The following ATP8A1 variants were observed in gnomAD, a reference collection of about 807,000 sequenced individuals.
ATP8A1 encodes ATPase phospholipid transporting 8A1.
ATP8A1 carries 90 observed loss-of-function variants against 177.7 expected under a neutral mutation model. The ratio of observed to expected loss-of-function variants is 0.51; its 90% CI spans 0.43 to 0.60. The LOEUF (loss-of-function observed/expected upper bound fraction) is 0.60. ATP8A1 is among the 20% of genes least tolerant of loss of function. ATP8A1 has a pLI of 0.00. For synonymous variants in ATP8A1, 493 were observed against 485.9 expected, an observed-to-expected ratio of 1.01 and a Z score of -0.19; for missense variants, 1,072 against 1,392.8, an observed-to-expected ratio of 0.77 and a Z score of 3.67.
intron 24 of ATP8A1, among the ~76,000 whole-genome samples, chr4:42,502,335 C>T (rs1723937887): frequency 6.6e-6 from 1 of 152,126 alleles, no homozygotes; most frequent in Admixed American, 6.5e-5. Context: ...ATGCCAGTGT[C>T]TTAACAATAC....
rs1036560142 is a variant in ATP8A1, at chr4:42,426,132, T to C, written c.3124-2427A>G. Among the ~76,000 whole-genome samples, 3 of 152,232 alleles carry C rather than the reference T, an allele frequency of 2.0e-5. No homozygotes were observed. The East Asian group carries it at 5.8e-4, about 29-fold the overall frequency. On this transcript the variant is annotated intron_variant, in intron 33 of 36. Coordinates refer to ENST00000381668, the MANE Select transcript of ATP8A1 (RefSeq NM_006095.2). ...AAACCTTTGAGAAAATACGAGTTTA[T>C]GTGCATTTGGCCAAGTCAGGGGGCA...
chr4:42,540,194 C>T (rs916442642), intron 20 of ATP8A1, among the ~76,000 whole-genome samples: 1 of 152,086 alleles, frequency 6.6e-6, no homozygotes, highest in African/African-American at 2.4e-5. Context: ...TGCTCAACAT[C>T]ACTAGCAATC....
chr4:42,594,408 G>C, intron 6 of ATP8A1: 1 of 1,077,128 alleles, frequency 9.3e-7, no homozygotes, highest in South Asian at 1.3e-5. Context: ...TTGAAAGATA[G>C]TTACAAATAT....
chr4:42,526,494 A>G (rs568355296), intron 20 of ATP8A1, among the ~76,000 whole-genome samples: 17 of 152,270 alleles, frequency 1.1e-4, no homozygotes, highest in Non-Finnish European at 2.1e-4. Flanking sequence ...GGCACAATCT[A>G]GTCAGCTGCC....
At chr4:42,463,321 G>T (rs952592553) in intron 27 of ATP8A1, among the ~76,000 whole-genome samples, 1 of 152,152 alleles carries the variant, frequency 6.6e-6, no homozygotes, top group Non-Finnish European at 1.5e-5. Flanking sequence ...TGATGTTCTC[G>T]TGATAGTGAA....
chr4:42,428,322 A>G (rs955542590), intron 33 of ATP8A1, among the ~76,000 whole-genome samples: 8 of 152,156 alleles, frequency 5.3e-5, no homozygotes, highest in African/African-American at 1.7e-4. Context: ...AACCTCACAC[A>G]TCCCACACTG....
At chr4:42,591,022 T>C in intron 6 of ATP8A1, 138 bp from the exon 7 acceptor site, 3 of 734,432 alleles carry the variant, frequency 4.1e-6, no homozygotes, top group Non-Finnish European at 6.6e-6. Context: ...AAACATCTAA[T>C]GCCAATTTTT....
intron 4 of ATP8A1, among the ~76,000 whole-genome samples, chr4:42,624,211 T>C (rs1362577175): frequency 1.3e-5 from 2 of 151,974 alleles, no homozygotes; most frequent in African/African-American, 4.8e-5. Flanking sequence ...TACCAAAAAA[T>C]ATCACTTAGA....
At chr4:42,617,122 C>T (rs1200002283) in intron 4 of ATP8A1, among the ~76,000 whole-genome samples, 1 of 152,186 alleles carries the variant, frequency 6.6e-6, no homozygotes, top group South Asian at 2.1e-4. Flanking sequence ...TTCAGAATCA[C>T]AGTGTGCATA....
At chr4:42,549,188 A>G in intron 18 of ATP8A1, 126 bp from the exon 19 acceptor site, 2 of 703,404 alleles carry the variant, frequency 2.8e-6, no homozygotes, top group South Asian at 3.9e-5. Context: ...CTGCTGAAAT[A>G]TGGAAGGGAG....
At chr4:42,576,489 AAAAAAAAAAAAAAAAAAG>A (rs1349982106) in intron 12 of ATP8A1, among the ~76,000 whole-genome samples, 2 of 147,836 alleles carry the variant, frequency 1.4e-5, no homozygotes, top group African/African-American at 4.9e-5. Context: ...AAAAAAAAAA[AAAAAAAAAAAAAAAAAAG>A]AGCATAGTTT....
intron 25 of ATP8A1, among the ~76,000 whole-genome samples, chr4:42,467,217 A>G (rs571698728): frequency 3.3e-4 from 50 of 152,296 alleles, no homozygotes; most frequent in African/African-American, 1.1e-3. Flanking sequence ...TTCAACACCC[A>G]AATTAAAATT....
chr4:42,420,439 G>A lies in ATP8A1; in HGVS notation c.3305+2368C>T, dbSNP rs546859570. Among the ~76,000 whole-genome samples the A allele has an allele frequency of 2.6e-5, 4 of 152,310 alleles. No individual in the cohort carries two copies. In the South Asian group the frequency reaches 6.2e-4, roughly 24 times the overall value. ...GGAATTTATCTGATGCATTTCCTAT[G>A]GAGAAGTTGGTGGTCATTTATGCTG... On this transcript the variant is annotated intron_variant, in intron 35 of 36. Transcript: ENST00000381668.
chr4:42,533,700 C>A (rs1727502569), intron 20 of ATP8A1, among the ~76,000 whole-genome samples: 1 of 152,182 alleles, frequency 6.6e-6, no homozygotes, highest in African/African-American at 2.4e-5. Flanking sequence ...CACCTCCTGG[C>A]TGGAGGCCAA....
At chr4:42,573,493 GAAGA>G (rs1732109312) in intron 14 of ATP8A1, among the ~76,000 whole-genome samples, 4 of 152,130 alleles carry the variant, frequency 2.6e-5, no homozygotes, top group African/African-American at 7.2e-5. Flanking sequence ...TTCAGATAAA[GAAGA>G]AAGATGAAAA....
chr4:42,576,253 C>T lies in ATP8A1; in HGVS notation c.1129-554G>A, dbSNP rs140675977. Among the ~76,000 whole-genome samples the T allele has an allele frequency of 4.9e-3, 750 of 151,978 alleles. 7 individuals carry two copies. The highest frequency in any genetic ancestry group is 0.017 in the African/African-American group (705 of 41,452). On this transcript the variant is annotated intron_variant, in intron 12 of 36. Coordinates refer to ENST00000381668, the MANE Select transcript of ATP8A1 (RefSeq NM_006095.2). ...TTGGGAGGCCAAGATGGGCGGATCACGAGGTCAGGAAATCGAGACCATCCT... is the reference window on the plus strand; with the variant it reads ...TTGGGAGGCCAAGATGGGCGGATCATGAGGTCAGGAAATCGAGACCATCCT...
chr4:42,511,715 G>A (rs1725018945), intron 22 of ATP8A1, among the ~76,000 whole-genome samples: 1 of 152,178 alleles, frequency 6.6e-6, no homozygotes, highest in Admixed American at 6.5e-5. Context: ...GATAGCTTTA[G>A]AAATTATGAT....
rs760540371 is a variant in ATP8A1, at chr4:42,464,965, C to T, written c.2436G>A (p.Ala812=). 6.8e-6 allele frequency: 11 copies of T among 1,614,086 alleles called. No homozygotes were observed. Among genetic ancestry groups the T allele is most frequent in the African/African-American group, 1.3e-5 (1 of 74,918 alleles). ...TGCCACTGATACCAACACCAACGTG[C>T]GCTGTCTGTATCATGCTGACATCAT... ...GANDVSMIQT[A]HVGVGISGNE... Residue 812 remains alanine, a synonymous_variant, in exon 26 of 37, where the codon GCG becomes GCA. Transcript: ENST00000381668.
At chr4:42,527,171 CTGAG>C (rs1185084450) in intron 20 of ATP8A1, among the ~76,000 whole-genome samples, 1 of 152,174 alleles carries the variant, frequency 6.6e-6, no homozygotes, top group African/African-American at 2.4e-5. Flanking sequence ...TAAGACTGCC[CTGAG>C]TGAGAGTCTT....
Sources: allele counts gnomAD v4.1 joint callset (sites outside exome capture counted in the v4.1 genomes callset), GRCh38; gene constraint gnomAD v4.1.1; transcripts MANE v1.5; gene names NCBI Gene and HGNC (gene_info 2026-07-23, HGNC 2026-07-21).